The following BTD variants were observed in gnomAD, a reference collection of about 807,000 sequenced individuals.
BTD encodes the protein biotinidase, also known as biocytinase.
In BTD, 13 loss-of-function variants were observed where a neutral mutation model predicts 17.7. The observed-to-expected ratio is 0.74, with a 90% CI of 0.48 to 1.17. The LOEUF (loss-of-function observed/expected upper bound fraction) is 1.17. Ranked by LOEUF, BTD falls within the 50% of genes most tolerant of loss-of-function variation. BTD has a pLI of 0.00. For missense variants in BTD, 674 were observed against 650.4 expected (o/e 1.04, Z -0.39); for synonymous variants, 240 against 245.2 (o/e 0.98, Z 0.20).
chr3:15,696,909 C>T (rs1233746944), intron 3 of BTD, among the ~76,000 whole-genome samples: 1 of 152,122 alleles, frequency 6.6e-6, no homozygotes, highest in African/African-American at 2.4e-5. Flanking sequence ...AGTAACACTA[C>T]CATTTGATCC....
rs957096247 is a variant in BTD at position 15,653,250 on chromosome 3, C to T, written c.*7762C>T. ...TGTTTAACAAGTCCTCCAGGTGATTCCGATCCTAATCAAGTGTGAGCCCAC... is the reference window on the plus strand; with the variant it reads ...TGTTTAACAAGTCCTCCAGGTGATTTCGATCCTAATCAAGTGTGAGCCCAC... On this transcript the variant is annotated 3_prime_UTR_variant, in exon 4 of 4. Coordinates refer to ENST00000643237, the MANE Select transcript of BTD (RefSeq NM_001370658.1). 1.3e-5 allele frequency among the ~76,000 whole-genome samples: 2 copies of T among 152,256 alleles called. No individual in the cohort carries two copies. The highest frequency in any genetic ancestry group is 2.9e-5 in the Non-Finnish European group (2 of 68,056).
At chr3:15,697,169 T>C (rs1392341702) in intron 3 of BTD, 1 of 152,172 alleles carries the variant, frequency 6.6e-6, no homozygotes, top group Non-Finnish European at 1.5e-5. Context: ...ATCATTATTC[T>C]AAGTGAAGCA....
chr3:15,642,298 G>C lies in BTD; in HGVS notation c.399+241G>C, dbSNP rs2065533247. The C allele has an allele frequency of 1.9e-5, 27 of 1,411,564 alleles. No homozygotes were observed. In the South Asian group the frequency reaches 4.2e-4, roughly 22 times the overall value. 87.4% of individuals were successfully genotyped at this position (1,411,564 alleles called of 1,614,324 possible). A position where few individuals can be genotyped will look rare whatever the true frequency, so the allele number is the denominator to read the frequency against. Reference sequence around the variant, plus strand: ...TTAATTACACAATAAATACAGGAATGTATACTTAAACCAAACCAAAAGTAA... The same window carrying C: ...TTAATTACACAATAAATACAGGAATCTATACTTAAACCAAACCAAAAGTAA... On this transcript the variant is annotated intron_variant, in intron 3 of 3. Coordinates refer to ENST00000643237, the MANE Select transcript of BTD (RefSeq NM_001370658.1).
exon 4 of BTD, chr3:15,711,138 A>T: frequency 7.7e-7 from 1 of 1,301,156 alleles, no homozygotes; most frequent in East Asian, 2.4e-5. Context: ...TTAATAAAAA[A>T]GAACAAAGAT....
At chr3:15,621,914 T>C (rs1574993103) in intron 1 of BTD, among the ~76,000 whole-genome samples, 1 of 152,230 alleles carries the variant, frequency 6.6e-6, no homozygotes, top group Admixed American at 6.5e-5. Flanking sequence ...GTTTCTTAAA[T>C]TGACATCTAG....
At chr3:15,631,679 C>T (rs370272466) in intron 1 of BTD, among the ~76,000 whole-genome samples, 4 of 152,172 alleles carry the variant, frequency 2.6e-5, no homozygotes, top group African/African-American at 9.7e-5. Flanking sequence ...TCTGTAGGGC[C>T]GTCCAAGATC....
chr3:15,645,836 GTTTT>G lies in BTD; in HGVS notation c.*362_*365del, dbSNP rs1199838348. 7 of 151,354 alleles carry G rather than the reference GTTTT, an allele frequency of 4.6e-5. No individual in the cohort carries two copies. The highest frequency in any genetic ancestry group is 1.8e-4 in the South Asian group (1 of 5,692). 9.4% of individuals were successfully genotyped at this position (151,354 alleles called of 1,614,324 possible). ...CACATCCACAAAGCAGTGGCTTGGGGTTTTTTTTTTTTTTTTTATCTTGTTGATC... is the reference window on the plus strand; with the variant it reads ...CACATCCACAAAGCAGTGGCTTGGGGTTTTTTTTTTTTTATCTTGTTGATC... On this transcript the variant is annotated 3_prime_UTR_variant, in exon 4 of 4. Transcript: ENST00000643237.
chr3:15,700,472 T>A (rs1344013922), intron 3 of BTD, among the ~76,000 whole-genome samples: 14 of 136,994 alleles, frequency 1.0e-4, no homozygotes, highest in Non-Finnish European at 1.6e-4. Flanking sequence ...AAAAAAAAAA[T>A]TAATTAAAAA....
intron 1 of BTD, among the ~76,000 whole-genome samples, chr3:15,620,131 T>C (rs147858061): frequency 0.012 from 1,795 of 152,300 alleles, 42 homozygotes; most frequent in African/African-American, 0.041. Flanking sequence ...GGTGCACATA[T>C]TGTCTTGATA....
At chr3:15,713,693 A>G, downstream of BTD, 1 of 1,164,848 alleles carries the variant, frequency 8.6e-7, no homozygotes, top group East Asian at 2.6e-5. Context: ...GATCAGGTCA[A>G]ACGTACTACA....
chr3:15,692,998 C>T (rs1324329364), intron 3 of BTD, among the ~76,000 whole-genome samples: 2 of 151,936 alleles, frequency 1.3e-5, no homozygotes, highest in African/African-American at 4.8e-5. Flanking sequence ...GCCAGTCACA[C>T]AACACAAAAA....
At chr3:15,692,054 C>T (rs533164975) in intron 3 of BTD, among the ~76,000 whole-genome samples, 47 of 150,366 alleles carry the variant, frequency 3.1e-4, no homozygotes, top group Non-Finnish European at 6.1e-4. Flanking sequence ...GCGGAAGTAT[C>T]ACTTGAGTCT....
At chr3:15,626,471 C>T (rs1191052470) in intron 1 of BTD, among the ~76,000 whole-genome samples, 1 of 152,144 alleles carries the variant, frequency 6.6e-6, no homozygotes, top group Non-Finnish European at 1.5e-5. Flanking sequence ...CTGGAGGACT[C>T]AGACACTCAT....
At chr3:15,706,075 G>C (rs1421301188) in intron 3 of BTD, among the ~76,000 whole-genome samples, 1 of 150,304 alleles carries the variant, frequency 6.7e-6, no homozygotes, top group Non-Finnish European at 1.5e-5. Context: ...TTTTTTTTGT[G>C]TGTGTGTGAT....
At chr3:15,656,496 C>T (rs2065872906), downstream of BTD, among the ~76,000 whole-genome samples, 1 of 152,218 alleles carries the variant, frequency 6.6e-6, no homozygotes, top group Admixed American at 6.5e-5. Context: ...TGCCTGGTCT[C>T]CTTTGTTCTT....
In BTD at chr3:15,652,809, C is replaced by G. The variant is rs2065826410; in HGVS notation, c.*7321C>G. Among the ~76,000 whole-genome samples the G allele has an allele frequency of 6.6e-6, 1 of 152,192 alleles. No individual in the cohort carries two copies. The highest frequency in any genetic ancestry group is 2.4e-5 in the African/African-American group (1 of 41,450). On this transcript the variant is annotated 3_prime_UTR_variant, in exon 4 of 4. Transcript: ENST00000643237. ...GGTATCTCTCCCACTATATATATAT[C>G]AAGTGCTATTAGTGGCTATTATTTG... is the stretch of plus-strand genomic sequence containing the variant.
At chr3:15,692,153 A>C (rs1325775344) in intron 3 of BTD, among the ~76,000 whole-genome samples, 1 of 151,166 alleles carries the variant, frequency 6.6e-6, no homozygotes, top group African/African-American at 2.4e-5. Flanking sequence ...ATAAAAAAAA[A>C]AAAAAAAAAA....
chr3:15,693,664 A>G (rs1044675034), intron 3 of BTD, among the ~76,000 whole-genome samples: 2 of 152,162 alleles, frequency 1.3e-5, no homozygotes, highest in African/African-American at 4.8e-5. Flanking sequence ...CATCAATAGT[A>G]AAATGGCTAT....
At chr3:15,616,247 T>A (rs2064786993) in intron 1 of BTD, among the ~76,000 whole-genome samples, 1 of 152,194 alleles carries the variant, frequency 6.6e-6, no homozygotes. Flanking sequence ...AGTGGTTGGA[T>A]CATTTTGTGT....
Sources: allele counts gnomAD v4.1 joint callset (sites outside exome capture counted in the v4.1 genomes callset), GRCh38; gene constraint gnomAD v4.1.1; transcripts MANE v1.5; gene names NCBI Gene and HGNC (gene_info 2026-07-23, HGNC 2026-07-21).